Variants in ACSM3 observed in about 807,000 individuals in gnomAD.
The protein encoded by ACSM3 is acyl-CoA synthetase medium chain family member 3.
Under a neutral mutation model 74.1 loss-of-function variants are expected in ACSM3, and 61 were observed. That is an observed-to-expected ratio of 0.82 (90% confidence interval 0.67 to 1.02). ACSM3 has a LOEUF of 1.02. Among genes scored for constraint, ACSM3 ranks in the 50% least tolerant of loss-of-function variants. ACSM3 has a pLI of 0.00. For synonymous variants in ACSM3, 213 were observed against 241.5 expected, an observed-to-expected ratio of 0.88 and a Z score of 1.09; for missense variants, 660 against 697.0, an observed-to-expected ratio of 0.95 and a Z score of 0.60.
intron 6 of ACSM3, 78 bp from the exon 7 acceptor site, chr16:20,781,630 G>T (rs2080354714): frequency 9.6e-7 from 1 of 1,043,278 alleles, no homozygotes; most frequent in Admixed American, 1.7e-5. Flanking sequence ...TGTTTAAATT[G>T]TGCTGCGTCA....
rs191510196 is a variant in ACSM3 at position 20,786,414 on chromosome 16, C to T, written c.1224+256C>T. On this transcript the variant is annotated intron_variant, in intron 9 of 13. Transcript: ENST00000289416. Reference sequence around the variant, plus strand: ...TAACCCATTAGGCTGGATGCAGTGGCTCACGCCTGTAATCCCAACACTTTG... The same window carrying T: ...TAACCCATTAGGCTGGATGCAGTGGTTCACGCCTGTAATCCCAACACTTTG... The T allele has an allele frequency of 1.8e-4, 117 of 659,998 alleles. No homozygotes were observed. In the East Asian group the frequency reaches 3.9e-3, roughly 22 times the overall value. The allele number at this position is 659,998 out of a possible 1,614,324, so 40.9% of individuals were successfully genotyped here.
chr16:20,757,121 C>T (rs925997981), intron 3 of ACSM3, among the ~76,000 whole-genome samples: 9 of 151,736 alleles, frequency 5.9e-5, no homozygotes, highest in African/African-American at 2.2e-4. Context: ...GATGCGGGCT[C>T]TTTTTTGGTT....
In ACSM3 at chr16:20,781,761, A is replaced by G. The variant is rs1213044113; in HGVS notation, c.993A>G (p.Arg331=). The G allele has an allele frequency of 6.2e-7, 1 of 1,612,604 alleles. No individual in the cohort carries two copies. Among genetic ancestry groups the G allele is most frequent in the South Asian group, 1.1e-5 (1 of 91,044 alleles). Reference sequence around the variant, plus strand: ...TCTGTTCAGCACCAACTGTATACCGAATGCTTGTACAGAATGATATAACCA... The same window carrying G: ...TCTGTTCAGCACCAACTGTATACCGGATGCTTGTACAGAATGATATAACCA... ...TVFCSAPTVY[R]MLVQNDITSY... Residue 331 remains arginine (R), a synonymous_variant, in exon 7 of 14, where the codon CGA becomes CGG. Transcript: ENST00000289416.
chr16:20,685,209 C>G, intron 1 of ACSM3: 1 of 1,614,126 alleles, frequency 6.2e-7, no homozygotes, highest in Non-Finnish European at 8.5e-7. Flanking sequence ...GCATGCAGCC[C>G]ACAGCCACCA....
chr16:20,784,762 A>G (rs563008609), intron 7 of ACSM3: 29 of 300,124 alleles, frequency 9.7e-5, no homozygotes, highest in Non-Finnish European at 1.6e-4. Context: ...GTATCATTCT[A>G]TGATATTAGA....
intron 1 of ACSM3, among the ~76,000 whole-genome samples, chr16:20,694,601 C>G (rs1241018805): frequency 6.6e-6 from 1 of 152,126 alleles, no homozygotes; most frequent in East Asian, 1.9e-4. Context: ...ACAAACTCAC[C>G]ATTTTTCCTG....
At chr16:20,782,303 G>A (rs2080369155) in intron 7 of ACSM3, among the ~76,000 whole-genome samples, 1 of 152,046 alleles carries the variant, frequency 6.6e-6, no homozygotes, top group South Asian at 2.1e-4. Flanking sequence ...ACATGAATAA[G>A]TTCTTTAGTG....
intron 1 of ACSM3, among the ~76,000 whole-genome samples, chr16:20,675,206 C>T (rs1008299227): frequency 2.6e-5 from 4 of 151,942 alleles, no homozygotes; most frequent in South Asian, 2.1e-4. Flanking sequence ...TAGGCTCACC[C>T]GGGACACGAG....
At chr16:20,780,675 T>C (rs534992698) in intron 4 of ACSM3, 39 bp from the exon 5 acceptor site, 5 of 1,614,228 alleles carry the variant, frequency 3.1e-6, no homozygotes, top group South Asian at 1.1e-5. Flanking sequence ...TCTGTGATGC[T>C]GTGTTTAACA....
intron 3 of ACSM3, among the ~76,000 whole-genome samples, chr16:20,755,790 C>G (rs1373890326): frequency 1.0e-4 from 11 of 110,184 alleles, no homozygotes; most frequent in African/African-American, 3.4e-4. Context: ...CCCCCCCCCC[C>G]ACCCCACAGC....
chr16:20,737,670 C>T, intron 1 of ACSM3: 1 of 1,560,280 alleles, frequency 6.4e-7, no homozygotes, highest in South Asian at 1.2e-5. Context: ...AAGTATTTAC[C>T]ATTGAATGCC....
At position 20,797,065 on chromosome 16, in the gene ACSM3, G is replaced by A. The variant is rs879199513; in HGVS notation, c.*93G>A. The A allele has an allele frequency of 6.7e-7, 1 of 1,493,034 alleles. No individual in the cohort carries two copies. Among genetic ancestry groups the A allele is most frequent in the South Asian group, 1.4e-5 (1 of 70,510 alleles). The allele number at this position is 1,493,034 out of a possible 1,614,324, so 92.5% of individuals were successfully genotyped here. A position where few individuals can be genotyped will look rare whatever the true frequency, so the allele number is the denominator to read the frequency against. ...ATGATGGAGAGGTCATAAAAACTGT[G>A]GTAGTATGCTTAGAAACTGTTGATT... On this transcript the variant is annotated 3_prime_UTR_variant, in exon 14 of 14. Coordinates refer to ENST00000289416, the MANE Select transcript of ACSM3 (RefSeq NM_005622.4).
intron 1 of ACSM3, among the ~76,000 whole-genome samples, chr16:20,691,784 T>C (rs2079656073): frequency 6.6e-6 from 1 of 151,234 alleles, no homozygotes; most frequent in South Asian, 2.1e-4. Flanking sequence ...TGTGTGTGTG[T>C]GTGTGTGTGT....
intron 4 of ACSM3, chr16:20,779,917 A>G (rs1054146551): frequency 2.2e-5 from 4 of 180,022 alleles, no homozygotes; most frequent in African/African-American, 9.6e-5. Flanking sequence ...GGTATGTGCC[A>G]CTGTGCCTGG....
chr16:20,725,902 G>A (rs1450811492), intron 1 of ACSM3, among the ~76,000 whole-genome samples: 1 of 152,130 alleles, frequency 6.6e-6, no homozygotes, highest in Non-Finnish European at 1.5e-5. Flanking sequence ...GAACCCGGAA[G>A]GTGGAGGTTG....
intron 4 of ACSM3, among the ~76,000 whole-genome samples, chr16:20,777,929 C>T (rs1441223910): frequency 1.3e-5 from 2 of 152,212 alleles, no homozygotes; most frequent in Admixed American, 6.5e-5. Flanking sequence ...CCACTGGGAC[C>T]TCTGAAGGAC....
At position 20,795,330 on chromosome 16, in the gene ACSM3, T is replaced by C. The variant is rs548472642; in HGVS notation, c.1555-1040T>C. Among the ~76,000 whole-genome samples, 205 of 152,310 alleles carry C rather than the reference T, an allele frequency of 1.3e-3. 1 individual carries two copies. Among genetic ancestry groups the C allele is most frequent in the African/African-American group, 4.7e-3 (197 of 41,576 alleles). ...CCACTGTGCCTGGCCACAAGGGTTT[T>C]GGGTAAAGACAAAAATGGGTAATTG... is the stretch of plus-strand genomic sequence containing the variant. On this transcript the variant is annotated intron_variant, in intron 12 of 13. Transcript: ENST00000289416.
chr16:20,714,398 A>G (rs1390880790), intron 1 of ACSM3, among the ~76,000 whole-genome samples: 1 of 152,184 alleles, frequency 6.6e-6, no homozygotes, highest in Non-Finnish European at 1.5e-5. Flanking sequence ...GGGTTTAAGA[A>G]CAGAAGTTCC....
intron 2 of ACSM3, among the ~76,000 whole-genome samples, chr16:20,753,092 A>G (rs908186477): frequency 6.6e-6 from 1 of 152,166 alleles, no homozygotes; most frequent in Non-Finnish European, 1.5e-5. Context: ...CTTAAGATAT[A>G]TATCAATAAA....
Sources: gnomAD v4.1 joint callset for allele counts (sites outside exome capture counted in the v4.1 genomes callset) on GRCh38, gnomAD v4.1.1 for gene constraint, MANE v1.5 for transcripts, NCBI Gene and HGNC (gene_info 2026-07-23, HGNC 2026-07-21) for gene names.